ATP6V0D2: variants seen among roughly 807,000 people sequenced by gnomAD.
ATP6V0D2 encodes the protein ATPase H+ transporting V0 subunit d2, also known as V-type proton ATPase subunit d 2.
A neutral mutation model predicts 40.0 loss-of-function variants in ATP6V0D2; 40 were observed. That is an observed-to-expected ratio of 1.00 (90% CI 0.78 to 1.30). ATP6V0D2 has a LOEUF of 1.30. Ranked by LOEUF, ATP6V0D2 falls within the 50% of genes most tolerant of loss-of-function variation. The probability of loss-of-function intolerance (pLI) is 0.00; values close to 1 mark genes in which losing one functional copy is unlikely to be tolerated. For synonymous variants in ATP6V0D2, 179 were observed against 156.3 expected, an observed-to-expected ratio of 1.15 and a Z score of -1.08; for missense variants, 470 against 423.1, an observed-to-expected ratio of 1.11 and a Z score of -0.97.
intron 2 of ATP6V0D2, among the ~76,000 whole-genome samples, chr8:86,115,355 T>A (rs1388550205): frequency 3.1e-5 from 4 of 129,946 alleles, no homozygotes; most frequent in Non-Finnish European, 4.7e-5. Flanking sequence ...TTCCGTATCA[T>A]CCATTTTTTT....
intron 2 of ATP6V0D2, among the ~76,000 whole-genome samples, chr8:86,121,787 G>A (rs1818674186): frequency 6.6e-6 from 1 of 152,108 alleles, no homozygotes; most frequent in Non-Finnish European, 1.5e-5. Flanking sequence ...TCCATCAAAT[G>A]AAGTAACTTC....
intron 5 of ATP6V0D2, among the ~76,000 whole-genome samples, chr8:86,144,774 C>T (rs1326197667): frequency 6.6e-6 from 1 of 152,038 alleles, no homozygotes; most frequent in Admixed American, 6.5e-5. Flanking sequence ...TCAAATGATC[C>T]TCCCACCTCA....
intron 2 of ATP6V0D2, among the ~76,000 whole-genome samples, chr8:86,125,559 G>C (rs2318397): frequency 1.3e-5 from 2 of 151,606 alleles, no homozygotes; most frequent in African/African-American, 4.8e-5. Context: ...AAATTTAATA[G>C]ATTTTCACAG....
intron 5 of ATP6V0D2, among the ~76,000 whole-genome samples, chr8:86,143,827 A>T (rs1342826919): frequency 1.3e-5 from 2 of 152,106 alleles, no homozygotes; most frequent in Non-Finnish European, 2.9e-5. Context: ...CTCTGACACT[A>T]TGAGCAATGG....
Position 86,146,797 on chromosome 8 carries a change from T to C in ATP6V0D2, c.640-3315T>C, listed in dbSNP as rs146875442. ...TTTATAATTATATGATCAAAGGGTG[T>C]TTGTCAGCTTTACATAAATACTTTC... On this transcript the variant is annotated intron_variant, in intron 5 of 7. Transcript: ENST00000285393. Among the ~76,000 whole-genome samples the C allele has an allele frequency of 1.3e-3, 201 of 152,332 alleles. 4 individuals are homozygous for C. The highest frequency in any genetic ancestry group is 4.6e-3 in the African/African-American group (193 of 41,564).
At position 86,117,635 on chromosome 8, in the gene ATP6V0D2, A is replaced by G. The variant is rs371011793; in HGVS notation, c.302+3755A>G. ...AAGACACAGATGCTGATGTTTTCTA[A>G]GAATTCACAAATATACATACAGCTA... is the stretch of plus-strand genomic sequence containing the variant. On this transcript the variant is annotated intron_variant, in intron 2 of 7. Transcript: ENST00000285393. Among the ~76,000 whole-genome samples the G allele has an allele frequency of 9.8e-5, 15 of 152,352 alleles. No homozygotes were observed. In the East Asian group the frequency reaches 2.7e-3, roughly 27 times the overall value.
At chr8:86,117,774 T>C (rs576459451) in intron 2 of ATP6V0D2, among the ~76,000 whole-genome samples, 14 of 152,228 alleles carry the variant, frequency 9.2e-5, no homozygotes, top group Non-Finnish European at 1.8e-4. Context: ...AATTTGGCAA[T>C]ACGGGAGAAG....
At chr8:86,113,401 G>A (rs910456426) in intron 1 of ATP6V0D2, among the ~76,000 whole-genome samples, 9 of 152,100 alleles carry the variant, frequency 5.9e-5, no homozygotes, top group Non-Finnish European at 1.2e-4. Flanking sequence ...AAAATTGCGC[G>A]AACCCAAGAG....
intron 2 of ATP6V0D2, among the ~76,000 whole-genome samples, chr8:86,114,491 G>C (rs934088507): frequency 6.6e-6 from 1 of 152,020 alleles, no homozygotes; most frequent in Non-Finnish European, 1.5e-5. Context: ...CCAATATGGC[G>C]AAACCCCATC....
chr8:86,151,386 C>A lies in ATP6V0D2; in HGVS notation c.817-80C>A. On this transcript the variant is annotated intron_variant, in intron 6 of 7. Coordinates refer to ENST00000285393, the MANE Select transcript of ATP6V0D2 (RefSeq NM_152565.1). ...TTTTTTTTAAATAGGTACACAATTTCTATAATGCTAGGAAAAATATATTTA... is the reference window on the plus strand; with the variant it reads ...TTTTTTTTAAATAGGTACACAATTTATATAATGCTAGGAAAAATATATTTA... 6.8e-6 allele frequency: 7 copies of A among 1,028,266 alleles called. No homozygotes were observed. The South Asian group carries it at 9.1e-5, about 13-fold the overall frequency. 63.7% of individuals were successfully genotyped at this position (1,028,266 alleles called of 1,614,324 possible). A position where few individuals can be genotyped will look rare whatever the true frequency, so the allele number is the denominator to read the frequency against.
intron 1 of ATP6V0D2, among the ~76,000 whole-genome samples, chr8:86,102,045 C>T (rs1818405904): frequency 6.6e-6 from 1 of 152,144 alleles, no homozygotes; most frequent in African/African-American, 2.4e-5. Flanking sequence ...ATGGCTGTGA[C>T]CACCTAACAC....
At chr8:86,134,887 C>G (rs1334515572) in intron 2 of ATP6V0D2, among the ~76,000 whole-genome samples, 1 of 152,196 alleles carries the variant, frequency 6.6e-6, no homozygotes, top group African/African-American at 2.4e-5. Flanking sequence ...GAATGTATTA[C>G]ATGTATCTCA....
At chr8:86,152,146 C>A (rs117485224) in intron 7 of ATP6V0D2, among the ~76,000 whole-genome samples, 2,248 of 151,968 alleles carry the variant, frequency 0.015, 34 homozygotes, top group Middle Eastern at 0.058. Context: ...TTGTTCAACT[C>A]CCCCTTATGA....
intron 1 of ATP6V0D2, among the ~76,000 whole-genome samples, chr8:86,099,684 G>A (rs1012894052): frequency 1.3e-5 from 2 of 152,134 alleles, no homozygotes; most frequent in African/African-American, 4.8e-5. Context: ...TGGAGAGACG[G>A]GTTTTCACCA....
At chr8:86,103,061 CAT>C (rs1471345377) in intron 1 of ATP6V0D2, among the ~76,000 whole-genome samples, 7 of 151,992 alleles carry the variant, frequency 4.6e-5, no homozygotes, top group Non-Finnish European at 7.4e-5. Context: ...TTTTCTAAAA[CAT>C]ATGACAACAG....
intron 1 of ATP6V0D2, among the ~76,000 whole-genome samples, chr8:86,107,501 T>C (rs1818483494): frequency 6.6e-6 from 1 of 152,352 alleles, no homozygotes; most frequent in East Asian, 1.9e-4. Context: ...AAGTTACTTC[T>C]CTGAGCCTCA....
intron 2 of ATP6V0D2, among the ~76,000 whole-genome samples, chr8:86,133,953 G>C (rs530597810): frequency 7.2e-5 from 11 of 152,126 alleles, no homozygotes; most frequent in South Asian, 4.2e-4. Context: ...GACACACACC[G>C]ACTGATTCAA....
chr8:86,115,444 C>T (rs1818581358), intron 2 of ATP6V0D2, among the ~76,000 whole-genome samples: 1 of 136,448 alleles, frequency 7.3e-6, no homozygotes. Context: ...TCTCGGCTCA[C>T]TGCAACCTTC....
chr8:86,117,957 G>T (rs1301635900), intron 2 of ATP6V0D2, among the ~76,000 whole-genome samples: 1 of 151,982 alleles, frequency 6.6e-6, no homozygotes, highest in Non-Finnish European at 1.5e-5. Flanking sequence ...GGCTAAGGAA[G>T]TTGAGCCTTA....
Sources: gnomAD v4.1 joint callset for allele counts (sites outside exome capture counted in the v4.1 genomes callset) on GRCh38, gnomAD v4.1.1 for gene constraint, MANE v1.5 for transcripts, NCBI Gene and HGNC (gene_info 2026-07-23, HGNC 2026-07-21) for gene names.